Variants in PCDH17 observed in about 807,000 individuals in gnomAD.
PCDH17 encodes protocadherin 17.
A neutral mutation model predicts 67.7 loss-of-function variants in PCDH17; 21 were observed. That is an observed-to-expected ratio of 0.31 (90% CI 0.22 to 0.45). The LOEUF (loss-of-function observed/expected upper bound fraction) is 0.45. Among genes scored for constraint, PCDH17 ranks in the 20% least tolerant of loss-of-function variants. The pLI is 1.00. For missense variants in PCDH17, 1,471 were observed against 1,564.8 expected (o/e 0.94, Z 1.01); for synonymous variants, 701 against 656.7 (o/e 1.07, Z -1.03).
At position 57,633,010 on chromosome 13, in the gene PCDH17, G is replaced by A. The variant is rs200264976; in HGVS notation, c.464G>A (p.Ser155Asn). Residue 155 changes from serine (S) to asparagine (N), a missense_variant, in exon 1 of 4, where the codon AGC becomes AAC. By Grantham distance (46) the Ser-to-Asn change is conservative (BLOSUM62 1). Around this residue, in one of 3 missense-constraint regions of PCDH17, gnomAD observed 1,163 missense variants for 1,230.0 expected, o/e 0.95. Coordinates refer to ENST00000377918, the MANE Select transcript of PCDH17 (RefSeq NM_001040429.3). The surrounding 1 kb of genome is among the most constrained non-coding windows in gnomAD (Gnocchi z 6.2). The part of the protein sequence containing the change: ...AAPGTRFPLT[S>N]AHDPDAGENG... ...CCGGGCACCCGCTTCCCCCTCACCAGCGCACATGACCCCGACGCCGGCGAG... is the reference window on the plus strand; with the variant it reads ...CCGGGCACCCGCTTCCCCCTCACCAACGCACATGACCCCGACGCCGGCGAG... 5 of 1,612,892 alleles carry A rather than the reference G, an allele frequency of 3.1e-6. No individual in the cohort carries two copies. The highest frequency in any genetic ancestry group is 1.3e-5 in the African/African-American group (1 of 74,894).
intron 3 of PCDH17, among the ~76,000 whole-genome samples, chr13:57,681,040 A>C (rs549090373): frequency 6.6e-6 from 1 of 151,892 alleles, no homozygotes; most frequent in South Asian, 2.1e-4. Flanking sequence ...CATTGTCGCA[A>C]GCAAGTGCTT....
chr13:57,719,044 A>G lies in PCDH17; in HGVS notation c.2798-5568A>G, dbSNP rs554103015. On this transcript the variant is annotated intron_variant, in intron 3 of 3. Transcript: ENST00000377918. ...ATTAATCTACAGAACACTTGTGCAG[A>G]CCGTAAATAGAGATGAGTGCTTGCT... Among the ~76,000 whole-genome samples, 6 of 152,144 alleles carry G rather than the reference A, an allele frequency of 3.9e-5. No individual in the cohort carries two copies. The East Asian group carries it at 1.2e-3, about 29-fold the overall frequency.
intron 1 of PCDH17, among the ~76,000 whole-genome samples, chr13:57,657,901 C>T (rs572329370): frequency 3.7e-4 from 57 of 152,216 alleles, no homozygotes; most frequent in South Asian, 6.2e-4. Flanking sequence ...CACTACACAT[C>T]CAACCCCAAA....
chr13:57,706,786 G>T (rs1955725672), intron 3 of PCDH17, among the ~76,000 whole-genome samples: 1 of 152,060 alleles, frequency 6.6e-6, no homozygotes, highest in Non-Finnish European at 1.5e-5. Flanking sequence ...TGAAATGGTG[G>T]ATTGGATCCA....
At chr13:57,714,138 G>A (rs1955799566) in intron 3 of PCDH17, among the ~76,000 whole-genome samples, 1 of 151,632 alleles carries the variant, frequency 6.6e-6, no homozygotes, top group Non-Finnish European at 1.5e-5. Context: ...GAGGTTGATT[G>A]CTAAATAATA....
At chr13:57,714,461 A>G (rs1465695773) in intron 3 of PCDH17, among the ~76,000 whole-genome samples, 1 of 151,778 alleles carries the variant, frequency 6.6e-6, no homozygotes, top group Non-Finnish European at 1.5e-5. Flanking sequence ...GTATTCATCC[A>G]TGTCATCAAA....
At position 57,674,573 on chromosome 13, in the gene PCDH17, C is replaced by T. The variant is rs151104984; in HGVS notation, c.2797+7740C>T. Among the ~76,000 whole-genome samples the T allele has an allele frequency of 2.3e-3, 356 of 151,942 alleles. 1 individual carries two copies. The highest frequency in any genetic ancestry group is 8.2e-3 in the African/African-American group (339 of 41,482). On this transcript the variant is annotated intron_variant, in intron 3 of 3. Transcript: ENST00000377918. ...AACTCCTGGCTTCAAGTAATTCTTCCGCTTCAGCCTCCCAAAGTGCTGGGG... is the reference window on the plus strand; with the variant it reads ...AACTCCTGGCTTCAAGTAATTCTTCTGCTTCAGCCTCCCAAAGTGCTGGGG...
At chr13:57,717,992 T>C (rs1040594151) in intron 3 of PCDH17, among the ~76,000 whole-genome samples, 1 of 151,908 alleles carries the variant, frequency 6.6e-6, no homozygotes, top group Non-Finnish European at 1.5e-5. Flanking sequence ...CCTCATGAAA[T>C]AAGCATATTG....
intron 3 of PCDH17, among the ~76,000 whole-genome samples, chr13:57,721,540 A>G (rs545676994): frequency 2.6e-4 from 39 of 152,260 alleles, no homozygotes; most frequent in African/African-American, 9.1e-4. Flanking sequence ...AATACTCTTC[A>G]ATGTTATTTT....
chr13:57,679,235 A>G (rs1325786016), intron 3 of PCDH17, among the ~76,000 whole-genome samples: 1 of 151,516 alleles, frequency 6.6e-6, no homozygotes, highest in East Asian at 1.9e-4. Context: ...TTGACAAGTT[A>G]TATTGATGAT....
In PCDH17 at chr13:57,666,434, C is replaced by A. The variant is rs377111914; in HGVS notation, c.2566-34C>A. On this transcript the variant is annotated intron_variant, in intron 1 of 3. Transcript: ENST00000377918. ...CTCTGCAGGAGATTTGTCCAGTGTA[C>A]AACTATACGTATTTTTTTCCTTCTC... 3.9e-6 allele frequency: 6 copies of A among 1,550,256 alleles called. No homozygotes were observed. The Admixed American group carries it at 5.0e-5, about 13-fold the overall frequency.
intron 3 of PCDH17, among the ~76,000 whole-genome samples, chr13:57,722,742 C>G (rs1328188490): frequency 6.6e-6 from 1 of 151,976 alleles, no homozygotes; most frequent in Non-Finnish European, 1.5e-5. Flanking sequence ...CAGCCTGCCG[C>G]GTAGCTGCAT....
Position 57,641,142 on chromosome 13 carries a change from G to T in PCDH17, c.2565+6031G>T, listed in dbSNP as rs9527676. Among the ~76,000 whole-genome samples, 5 of 151,606 alleles carry T rather than the reference G, an allele frequency of 3.3e-5. No individual in the cohort carries two copies. In the South Asian group the frequency reaches 6.2e-4, roughly 19 times the overall value. On this transcript the variant is annotated intron_variant, in intron 1 of 3. Coordinates refer to ENST00000377918, the MANE Select transcript of PCDH17 (RefSeq NM_001040429.3). ...CACCTACAAAGCACTTTTAAACTTC[G>T]TCAGACCTGCATTAACCTATTGTCA...
intron 3 of PCDH17, among the ~76,000 whole-genome samples, chr13:57,714,297 A>C (rs1255621914): frequency 6.6e-6 from 1 of 151,750 alleles, no homozygotes; most frequent in Non-Finnish European, 1.5e-5. Flanking sequence ...AAATAGATAT[A>C]CATCCCAATA....
intron 3 of PCDH17, among the ~76,000 whole-genome samples, chr13:57,678,237 C>A (rs762703353): frequency 6.0e-5 from 9 of 150,930 alleles, no homozygotes; most frequent in Non-Finnish European, 1.2e-4. Context: ...GGTCAGAGAT[C>A]GGAGACAGAA....
intron 1 of PCDH17, among the ~76,000 whole-genome samples, chr13:57,642,084 A>G (rs1954913442): frequency 6.6e-6 from 1 of 151,778 alleles, no homozygotes; most frequent in East Asian, 1.9e-4. Context: ...TAATAGTGAT[A>G]CACCATATTT....
At chr13:57,641,608 A>G (rs1378606314) in intron 1 of PCDH17, among the ~76,000 whole-genome samples, 2 of 128,194 alleles carry the variant, frequency 1.6e-5, no homozygotes, top group Admixed American at 8.3e-5. Flanking sequence ...ATATATATAT[A>G]TATATATATA....
intron 3 of PCDH17, among the ~76,000 whole-genome samples, chr13:57,699,139 A>C (rs1332962076): frequency 6.6e-6 from 1 of 151,980 alleles, no homozygotes; most frequent in Non-Finnish European, 1.5e-5. Flanking sequence ...TTCAGCTTGT[A>C]GTATTTTAAT....
intron 1 of PCDH17, among the ~76,000 whole-genome samples, chr13:57,658,516 T>C (rs2138011491): frequency 6.6e-6 from 1 of 152,298 alleles, no homozygotes; most frequent in Admixed American, 6.5e-5. Context: ...TTGATTTTTC[T>C]CCCAGGTCTA....
Sources: allele counts gnomAD v4.1 joint callset (sites outside exome capture counted in the v4.1 genomes callset), GRCh38; gene constraint gnomAD v4.1.1; regional missense constraint gnomAD v4.1.1; non-coding constraint Gnocchi (gnomAD v3.1); transcripts MANE v1.5; gene names NCBI Gene and HGNC (gene_info 2026-07-23, HGNC 2026-07-21).